Variants in SYNE2 observed in about 807,000 individuals in gnomAD.
SYNE2 encodes the protein spectrin repeat containing nuclear envelope protein 2.
Under a neutral mutation model 856.3 loss-of-function variants are expected in SYNE2, and 431 were observed. The ratio of observed to expected loss-of-function variants is 0.50; its 90% CI spans 0.47 to 0.55. The LOEUF is 0.55. Among genes scored for constraint, SYNE2 ranks in the 20% least tolerant of loss-of-function variants. The pLI is 0.00. For missense variants in SYNE2, 8,129 were observed against 8,023.2 expected, an observed-to-expected ratio of 1.01 and a Z score of -0.50; for synonymous variants, 2,923 against 2,872.3, an observed-to-expected ratio of 1.02 and a Z score of -0.56.
At position 63,954,917 on chromosome 14, in the gene SYNE2, T is replaced by G; in HGVS notation, c.787+2T>G. The G allele has an allele frequency of 6.2e-7, 1 of 1,609,686 alleles. No homozygotes were observed. The highest frequency in any genetic ancestry group is 8.5e-7 in the Non-Finnish European group (1 of 1,177,718). On this transcript the variant is annotated splice_donor_variant, in intron 8 of 115. Transcript: ENST00000555002. LOFTEE classifies it high-confidence loss of function. ...TCCCCAGATTGCTGGAACCAGAAGG[T>G]AAAGAAGCTTCTTTGTTTTTAAAAC...
intron 8 of SYNE2, chr14:63,960,763 GA>G (rs1444488862): frequency 1.3e-6 from 1 of 764,038 alleles, no homozygotes; most frequent in Non-Finnish European, 2.4e-6. Context: ...GCACTTTACA[GA>G]ATTTATATGC....
chr14:64,045,210 T>C (rs1190549843), intron 45 of SYNE2, among the ~76,000 whole-genome samples: 1 of 152,180 alleles, frequency 6.6e-6, no homozygotes, highest in East Asian at 1.9e-4. Flanking sequence ...TGGTAAACAA[T>C]TAAACTTTTG....
chr14:63,857,644 A>G (rs558817011), intron 1 of SYNE2, among the ~76,000 whole-genome samples: 113 of 152,298 alleles, frequency 7.4e-4, no homozygotes, highest in Non-Finnish European at 1.3e-3. Flanking sequence ...TTAGGCTTTT[A>G]TAGCCATTCT....
intron 56 of SYNE2, among the ~76,000 whole-genome samples, chr14:64,081,065 A>C (rs2097518826): frequency 6.6e-6 from 1 of 152,230 alleles, no homozygotes; most frequent in Admixed American, 6.5e-5. Flanking sequence ...TCTGTGATTT[A>C]GCAAGAGTGA....
intron 65 of SYNE2, among the ~76,000 whole-genome samples, chr14:64,108,238 A>G (rs985230314): frequency 1.3e-5 from 2 of 152,112 alleles, no homozygotes; most frequent in African/African-American, 2.4e-5. Flanking sequence ...TGTAATCCCA[A>G]CTACTCAAGA....
At chr14:63,827,621 G>T in intron 1 of SYNE2, among the ~76,000 whole-genome samples, 1 of 20,210 alleles carries the variant, frequency 4.9e-5, no homozygotes, top group Non-Finnish European at 9.5e-5. Flanking sequence ...TTGAAACTCT[G>T]TCTCAAAAAA....
chr14:64,224,900 A>G, intron 114 of SYNE2, 99 bp from the exon 115 acceptor site: 6 of 1,136,734 alleles, frequency 5.3e-6, no homozygotes, highest in Non-Finnish European at 3.9e-6. Flanking sequence ...AACACAACAT[A>G]AAGGTGGTAT....
intron 99 of SYNE2, chr14:64,190,724 C>A: frequency 1.5e-6 from 1 of 666,406 alleles, no homozygotes. Flanking sequence ...CTCAGAGTGC[C>A]AGGTCTCCCA....
chr14:63,921,245 A>T (rs1161424515), intron 2 of SYNE2, among the ~76,000 whole-genome samples: 7 of 152,094 alleles, frequency 4.6e-5, no homozygotes, highest in African/African-American at 1.7e-4. Context: ...AGACATGATG[A>T]CTCAGTTCTG....
intron 66 of SYNE2, among the ~76,000 whole-genome samples, chr14:64,114,433 T>G (rs1281725541): frequency 6.6e-6 from 1 of 152,130 alleles, no homozygotes; most frequent in Non-Finnish European, 1.5e-5. Flanking sequence ...AGTTCGCATA[T>G]CACTAGCCCT....
At chr14:63,769,626 G>A (rs987867712) in intron 1 of SYNE2, among the ~76,000 whole-genome samples, 51 of 132,912 alleles carry the variant, frequency 3.8e-4, no homozygotes, top group South Asian at 1.3e-3. Flanking sequence ...TCGAGATCGC[G>A]CCACTGCACT....
At chr14:64,017,859 T>C in intron 34 of SYNE2, 103 bp downstream of exon 34, 2 of 1,170,264 alleles carry the variant, frequency 1.7e-6, no homozygotes, top group East Asian at 2.5e-5. Flanking sequence ...TATGTGACTT[T>C]GTTATCAAGA....
intron 1 of SYNE2, among the ~76,000 whole-genome samples, chr14:63,846,391 G>GTTA (rs1890228331): frequency 6.6e-6 from 1 of 151,766 alleles, no homozygotes; most frequent in Admixed American, 6.6e-5. Context: ...ATTTTTGGCC[G>GTTA]TTCTTTCATT....
At chr14:64,077,043 A>G (rs2097467381) in intron 54 of SYNE2, among the ~76,000 whole-genome samples, 1 of 152,194 alleles carries the variant, frequency 6.6e-6, no homozygotes, top group Non-Finnish European at 1.5e-5. Flanking sequence ...GCTCATGAAT[A>G]CTTATGAAAA....
chr14:64,034,819 C>G lies in SYNE2; in HGVS notation c.7221+3462C>G, dbSNP rs578239531. ...TTTCTATATAGGTTAAGTGAAGCAG[C>G]AGATTAGGATATGGTAAAAAGTGAA... On this transcript the variant is annotated intron_variant, in intron 45 of 115. Coordinates refer to ENST00000555002, the MANE Select transcript of SYNE2 (RefSeq NM_182914.3). Among the ~76,000 whole-genome samples, 241 of 151,924 alleles carry G rather than the reference C, an allele frequency of 1.6e-3. 3 individuals carry two copies. In the South Asian group the frequency reaches 0.025, roughly 16 times the overall value.
intron 1 of SYNE2, among the ~76,000 whole-genome samples, chr14:63,844,152 C>A (rs1443585172): frequency 2.0e-5 from 3 of 152,172 alleles, no homozygotes; most frequent in Non-Finnish European, 4.4e-5. Flanking sequence ...AGTTTCATTG[C>A]CCTAAAAATC....
chr14:63,783,800 CT>C (rs1887415448), intron 1 of SYNE2, among the ~76,000 whole-genome samples: 1 of 152,098 alleles, frequency 6.6e-6, no homozygotes, highest in Non-Finnish European at 1.5e-5. Flanking sequence ...GTAATCCTGG[CT>C]TGGATCCTGG....
intron 1 of SYNE2, among the ~76,000 whole-genome samples, chr14:63,878,238 C>T (rs1033135745): frequency 2.0e-5 from 3 of 152,036 alleles, no homozygotes; most frequent in Non-Finnish European, 4.4e-5. Flanking sequence ...GAAATGGCAC[C>T]TGTGGCAACG....
intron 85 of SYNE2, among the ~76,000 whole-genome samples, chr14:64,154,792 C>CAAAAA (rs34020154): frequency 1.1e-5 from 1 of 91,098 alleles, no homozygotes; most frequent in Non-Finnish European, 2.3e-5. Context: ...GACCCTGTCT[C>CAAAAA]AAAAAAAAAA....
Sources: allele counts gnomAD v4.1 joint callset (sites outside exome capture counted in the v4.1 genomes callset), GRCh38; gene constraint gnomAD v4.1.1; transcripts MANE v1.5; gene names NCBI Gene and HGNC (gene_info 2026-07-23, HGNC 2026-07-21).